Variants in WDR86 observed in about 807,000 individuals in gnomAD.
WDR86 encodes WD repeat-containing protein 86.
Under a neutral mutation model 36.5 loss-of-function variants are expected in WDR86, and 30 were observed. The observed-to-expected ratio is 0.82, with a 90% CI of 0.61 to 1.11. The LOEUF is 1.11. WDR86 is among the 50% of genes most tolerant of loss of function. The probability of loss-of-function intolerance (pLI) is 0.00; values close to 1 mark genes in which losing one functional copy is unlikely to be tolerated. For synonymous variants in WDR86, 255 were observed against 252.9 expected (o/e 1.01, Z -0.08); for missense variants, 545 against 561.2 (o/e 0.97, Z 0.29).
rs534982566 is a variant in WDR86, at chr7:151,388,956, C to T, written c.727-3733G>A. ...GCTTAAGGGAGCCTGTTTGTCCCTT[C>T]ATCCAAGACGAAGGACGTGGCAAGA... On this transcript the variant is annotated intron_variant, in intron 3 of 5. Coordinates refer to ENST00000334493, the MANE Select transcript of WDR86 (RefSeq NM_198285.3). The surrounding 1 kb of genome is among the most constrained non-coding windows in gnomAD (Gnocchi z 4.2). 2.0e-5 allele frequency among the ~76,000 whole-genome samples: 3 copies of T among 152,270 alleles called. No homozygotes were observed. Among genetic ancestry groups the T allele is most frequent in the Admixed American group, 1.3e-4 (2 of 15,294 alleles).
At chr7:151,370,691 C>T in the WDR86 span, among the ~76,000 whole-genome samples, 5 of 126,578 alleles carry the variant, frequency 4.0e-5, no homozygotes, top group Admixed American at 8.3e-5. Flanking sequence ...TATCCCTCCC[C>T]CCTCCCCCCA....
In WDR86 at chr7:151,405,771, T is replaced by C. The variant is rs1800662502; in HGVS notation, c.163+3656A>G. ...CTGGGCCACTGCTCTCCCGCCAGGC[T>C]TCACAGGGAGTCTCCTATGCCACCG... is the stretch of plus-strand genomic sequence containing the variant. On this transcript the variant is annotated intron_variant, in intron 1 of 5. Coordinates refer to ENST00000334493, the MANE Select transcript of WDR86 (RefSeq NM_198285.3). This position sits in a 1 kb window ranked among gnomAD's most constrained non-coding sequence, Gnocchi z 4.7. Among the ~76,000 whole-genome samples, 1 of 152,132 alleles carries C rather than the reference T, an allele frequency of 6.6e-6. No individual in the cohort carries two copies. Among genetic ancestry groups the C allele is most frequent in the Admixed American group, 6.5e-5 (1 of 15,270 alleles).
chr7:151,399,688 T>C (rs1196602209), intron 2 of WDR86, among the ~76,000 whole-genome samples: 1 of 152,218 alleles, frequency 6.6e-6, no homozygotes, highest in Non-Finnish European at 1.5e-5. Context: ...TATCCTCAAC[T>C]CCGTCTTCGG....
Position 151,396,136 on chromosome 7 carries a change from C to T in WDR86, c.366G>A (p.Trp122Ter), listed in dbSNP as rs777114188. The T allele has an allele frequency of 1.2e-6, 2 of 1,612,942 alleles. No individual in the cohort carries two copies. Among genetic ancestry groups the T allele is most frequent in the South Asian group, 2.2e-5 (2 of 91,088 alleles). The change falls in exon 3 of 6, where the codon TGG (tryptophan) becomes TGA (stop). Residue 122 changes from tryptophan to a stop codon, truncating the protein, a stop_gained. Coordinates refer to ENST00000334493, the MANE Select transcript of WDR86 (RefSeq NM_198285.3). LOFTEE classifies it high-confidence loss of function. ...SSSYDRTARV[W>*]SVDKGQMSRE... ...GGGACATCTGCCCCTTGTCCACACT[C>T]CAGACCCGAGCTGTCCGGTCATAGG...
chr7:151,372,918 G>A (rs867395813), downstream of WDR86, among the ~76,000 whole-genome samples: 1 of 152,158 alleles, frequency 6.6e-6, no homozygotes, highest in Non-Finnish European at 1.5e-5. Flanking sequence ...ACACCAGGAG[G>A]TTCTCCTGTG....
chr7:151,402,187 G>A (rs1045106293), intron 1 of WDR86, among the ~76,000 whole-genome samples: 7 of 149,934 alleles, frequency 4.7e-5, no homozygotes, highest in East Asian at 1.9e-4. Flanking sequence ...ATGTGGCCAC[G>A]AGCGCAGGAA....
intron 2 of WDR86, among the ~76,000 whole-genome samples, 178 bp from the exon 3 acceptor site, chr7:151,396,374 C>T (rs1471586539): frequency 6.6e-6 from 1 of 152,188 alleles, no homozygotes; most frequent in Non-Finnish European, 1.5e-5. Flanking sequence ...AGGAAGCTAC[C>T]CTGACTCCCC....
intron 1 of WDR86, among the ~76,000 whole-genome samples, chr7:151,403,316 A>G (rs573703064): frequency 1.8e-3 from 276 of 152,382 alleles, no homozygotes; most frequent in African/African-American, 6.5e-3. Context: ...TGTTAGAACT[A>G]AGAGCCATTT....
In WDR86 at chr7:151,381,347, A is replaced by T. The variant is rs1033459214; in HGVS notation, c.*235T>A. 8 of 1,402,602 alleles carry T rather than the reference A, an allele frequency of 5.7e-6. 1 individual carries two copies. The South Asian group carries it at 1.2e-4, about 22-fold the overall frequency. 86.9% of individuals were successfully genotyped at this position (1,402,602 alleles called of 1,614,324 possible). On this transcript the variant is annotated 3_prime_UTR_variant, in exon 6 of 6. Coordinates refer to ENST00000334493, the MANE Select transcript of WDR86 (RefSeq NM_198285.3). The surrounding 1 kb of genome is among the most constrained non-coding windows in gnomAD (Gnocchi z 4.8). ...GCCAGGTCAGGGATGGGGAGGGAGG[A>T]CAGGAGCCACCCTAAAAGGGAAAAG...
intron 4 of WDR86, among the ~76,000 whole-genome samples, chr7:151,384,163 A>G (rs1271294803): frequency 2.0e-5 from 3 of 152,168 alleles, no homozygotes; most frequent in Non-Finnish European, 2.9e-5. Context: ...CTCTTCCCCA[A>G]CCCAGTCTCC....
rs1326710077 is a variant in WDR86, at chr7:151,398,447, GTGTA to G, written c.305+1649_305+1652del. Reference sequence around the variant, plus strand: ...GTGCACATGTGTAAGTTGTGTATGAGTGTATGTGTGTGCACATGTGTATGTGTAA... The same window carrying G: ...GTGCACATGTGTAAGTTGTGTATGAGTGTGTGTGCACATGTGTATGTGTAA... On this transcript the variant is annotated intron_variant, in intron 2 of 5. Coordinates refer to ENST00000334493, the MANE Select transcript of WDR86 (RefSeq NM_198285.3). Among the ~76,000 whole-genome samples the G allele has an allele frequency of 2.0e-5, 3 of 152,000 alleles. No individual in the cohort carries two copies. The East Asian group carries it at 5.8e-4, about 29-fold the overall frequency.
rs1801079985 is a variant in WDR86 at position 151,409,840 on chromosome 7, C to T, written c.-251G>A. 1 of 1,231,048 alleles carries T rather than the reference C, an allele frequency of 8.1e-7. No homozygotes were observed. Among genetic ancestry groups the T allele is most frequent in the East Asian group, 3.4e-5 (1 of 29,536 alleles). The allele number at this position is 1,231,048 out of a possible 1,614,324, so 76.3% of individuals were successfully genotyped here. A position where few individuals can be genotyped will look rare whatever the true frequency, so the allele number is the denominator to read the frequency against. Reference sequence around the variant, plus strand: ...CGGGACCTCCGCCCTGGGTAGAGTCCTGGGCGCGCGGGCAGAGAGAACCCC... The same window carrying T: ...CGGGACCTCCGCCCTGGGTAGAGTCTTGGGCGCGCGGGCAGAGAGAACCCC... On this transcript the variant is annotated 5_prime_UTR_variant, in exon 1 of 6. Transcript: ENST00000334493. This position sits in a 1 kb window ranked among gnomAD's most constrained non-coding sequence, Gnocchi z 5.2.
intron 1 of WDR86, among the ~76,000 whole-genome samples, chr7:151,404,164 A>G (rs1800542475): frequency 6.6e-6 from 1 of 152,224 alleles, no homozygotes; most frequent in African/African-American, 2.4e-5. Flanking sequence ...AGATGATGGC[A>G]AACTGATAAA....
rs1394741923 is a variant in WDR86 at position 151,409,086 on chromosome 7, T to C, written c.163+341A>G. ...CAAGGGAAGGTTTGCTTAGAAGGAGTATAGGTGCAACTTTTTGTTTGTTAA... is the reference window on the plus strand; with the variant it reads ...CAAGGGAAGGTTTGCTTAGAAGGAGCATAGGTGCAACTTTTTGTTTGTTAA... On this transcript the variant is annotated intron_variant, in intron 1 of 5. Transcript: ENST00000334493. This position sits in a 1 kb window ranked among gnomAD's most constrained non-coding sequence, Gnocchi z 5.2. 7.0e-6 allele frequency: 4 copies of C among 570,586 alleles called. No homozygotes were observed. The highest frequency in any genetic ancestry group is 2.2e-5 in the Admixed American group (1 of 45,224). 35.3% of individuals were successfully genotyped at this position (570,586 alleles called of 1,614,324 possible). A position where few individuals can be genotyped will look rare whatever the true frequency, so the allele number is the denominator to read the frequency against.
At chr7:151,371,363 A>ACCCCCCCCCCCC (rs57489077), downstream of WDR86, among the ~76,000 whole-genome samples, 1 of 118,770 alleles carries the variant, frequency 8.4e-6, no homozygotes, top group Non-Finnish European at 1.7e-5. Context: ...TTTTACCCCC[A>ACCCCCCCCCCCC]CCCCCCACCC....
chr7:151,374,058 G>A, downstream of WDR86: 2 of 1,529,990 alleles, frequency 1.3e-6, no homozygotes, highest in Non-Finnish European at 8.8e-7. Context: ...TGAAATCTCA[G>A]TCCCTAACTT....
Position 151,409,251 on chromosome 7 carries a change from C to T in WDR86, c.163+176G>A, listed in dbSNP as rs1427728023. 8.8e-7 allele frequency: 1 copy of T among 1,142,006 alleles called. No individual in the cohort carries two copies. The allele number at this position is 1,142,006 out of a possible 1,614,324, so 70.7% of individuals were successfully genotyped here. A position where few individuals can be genotyped will look rare whatever the true frequency, so the allele number is the denominator to read the frequency against. ...CCCCACCCCCAGACCTCACCCTGCCCTGCCGTGCGCTCAACAGCCAGATGC... is the reference window on the plus strand; with the variant it reads ...CCCCACCCCCAGACCTCACCCTGCCTTGCCGTGCGCTCAACAGCCAGATGC... On this transcript the variant is annotated intron_variant, in intron 1 of 5. Coordinates refer to ENST00000334493, the MANE Select transcript of WDR86 (RefSeq NM_198285.3). This position sits in a 1 kb window ranked among gnomAD's most constrained non-coding sequence, Gnocchi z 5.2.
At position 151,409,297 on chromosome 7, in the gene WDR86, TC is replaced by T; in HGVS notation, c.163+129del. On this transcript the variant is annotated intron_variant, in intron 1 of 5. Transcript: ENST00000334493. The surrounding 1 kb of genome is among the most constrained non-coding windows in gnomAD (Gnocchi z 5.2). ...GATGCTGGGCCCAGACAAGCGCTCT[TC>T]CGCTAGTGTGCCGGGATGAGCGGGG... 7.1e-7 allele frequency: 1 copy of T among 1,413,764 alleles called. No individual in the cohort carries two copies. The highest frequency in any genetic ancestry group is 9.7e-7 in the Non-Finnish European group (1 of 1,036,016). 87.6% of individuals were successfully genotyped at this position (1,413,764 alleles called of 1,614,324 possible). A position where few individuals can be genotyped will look rare whatever the true frequency, so the allele number is the denominator to read the frequency against.
intron 1 of WDR86, among the ~76,000 whole-genome samples, chr7:151,403,197 T>C (rs1296869366): frequency 6.6e-6 from 1 of 151,706 alleles, no homozygotes; most frequent in Non-Finnish European, 1.5e-5. Flanking sequence ...TTTTTTTTCC[T>C]GGATGTTTTT....
Sources: gnomAD v4.1 joint callset for allele counts (sites outside exome capture counted in the v4.1 genomes callset) on GRCh38, gnomAD v4.1.1 for gene constraint, Gnocchi (gnomAD v3.1) non-coding constraint, MANE v1.5 for transcripts, NCBI Gene and HGNC (gene_info 2026-07-23, HGNC 2026-07-21) for gene names.